DYNC1I1: variants seen among roughly 807,000 people sequenced by gnomAD.
The protein encoded by DYNC1I1 is dynein cytoplasmic 1 intermediate chain 1, also known as cytoplasmic dynein 1 intermediate chain 1.
A neutral mutation model predicts 86.6 loss-of-function variants in DYNC1I1; 43 were observed. The observed-to-expected ratio is 0.50, with a 90% CI of 0.39 to 0.64. The LOEUF (loss-of-function observed/expected upper bound fraction) is 0.64, where lower values mean the gene tolerates loss of function less well. DYNC1I1 is among the 30% of genes least tolerant of loss of function. The probability of loss-of-function intolerance (pLI) is 0.00; values close to 1 mark genes in which losing one functional copy is unlikely to be tolerated. For missense variants in DYNC1I1, 604 were observed against 788.8 expected (o/e 0.77, Z 2.81); for synonymous variants, 262 against 283.7 (o/e 0.92, Z 0.77).
rs189890285 is a variant in DYNC1I1 at position 95,974,156 on chromosome 7, C to T, written c.491-3356C>T. Among the ~76,000 whole-genome samples the T allele has an allele frequency of 2.8e-4, 42 of 152,308 alleles. 2 individuals carry two copies. In the East Asian group the frequency reaches 7.7e-3, roughly 28 times the overall value. On this transcript the variant is annotated intron_variant, in intron 6 of 16. Transcript: ENST00000447467. The stretch of plus-strand genomic sequence containing the variant: ...CCCACTCTTGACCAGAATGCCTAAT[C>T]TCTCTTTCCTATTTTGTATTTTCCC...
intron 6 of DYNC1I1, among the ~76,000 whole-genome samples, chr7:95,951,428 G>C (rs1299179694): frequency 6.6e-6 from 1 of 152,016 alleles, no homozygotes; most frequent in East Asian, 1.9e-4. Context: ...ACTAATTTGG[G>C]GTAGTTTTCT....
At chr7:95,820,066 T>C (rs1334965476) in intron 4 of DYNC1I1, among the ~76,000 whole-genome samples, 1 of 152,230 alleles carries the variant, frequency 6.6e-6, no homozygotes. Context: ...TGTGGCTTAG[T>C]GTGGCTCGCT....
At chr7:95,968,241 A>G (rs1304142989) in intron 6 of DYNC1I1, among the ~76,000 whole-genome samples, 2 of 152,122 alleles carry the variant, frequency 1.3e-5, no homozygotes, top group African/African-American at 4.8e-5. Flanking sequence ...GTGCAAAAGA[A>G]GGGTATACAA....
intron 5 of DYNC1I1, among the ~76,000 whole-genome samples, chr7:95,838,222 G>A (rs1789172219): frequency 2.0e-5 from 3 of 152,072 alleles, no homozygotes; most frequent in African/African-American, 7.2e-5. Flanking sequence ...ACATGTATGT[G>A]TGTGATATAA....
chr7:95,831,909 A>G (rs2115947364), intron 5 of DYNC1I1, among the ~76,000 whole-genome samples: 1 of 152,236 alleles, frequency 6.6e-6, no homozygotes, highest in East Asian at 1.9e-4. Context: ...TATCAGTAAT[A>G]TGGATTAAAA....
chr7:95,950,891 C>A (rs980142786), intron 6 of DYNC1I1, among the ~76,000 whole-genome samples: 3 of 152,188 alleles, frequency 2.0e-5, no homozygotes, highest in Admixed American at 1.3e-4. Flanking sequence ...ATCACCTCTA[C>A]ATTAGGGTAT....
intron 6 of DYNC1I1, among the ~76,000 whole-genome samples, chr7:95,970,867 G>A (rs1251150719): frequency 6.6e-6 from 1 of 152,190 alleles, no homozygotes; most frequent in Non-Finnish European, 1.5e-5. Flanking sequence ...AATAATGGAG[G>A]GGATTCACAA....
intron 1 of DYNC1I1, chr7:95,804,266 T>C (rs899584866): frequency 1.1e-5 from 8 of 741,474 alleles, no homozygotes; most frequent in Non-Finnish European, 1.4e-5. Context: ...ATTGAGTCCA[T>C]AGAAATTTGA....
chr7:96,107,924 C>T (rs373320665), intron 16 of DYNC1I1, among the ~76,000 whole-genome samples: 33 of 148,102 alleles, frequency 2.2e-4, no homozygotes, highest in South Asian at 4.3e-4. Context: ...CATTGCCTTC[C>T]GGCCTCAATG....
intron 11 of DYNC1I1, among the ~76,000 whole-genome samples, chr7:96,029,264 T>C (rs1204197663): frequency 1.3e-5 from 2 of 152,168 alleles, no homozygotes; most frequent in Admixed American, 1.3e-4. Context: ...CAAAGACACT[T>C]GCAGGTGAAA....
intron 6 of DYNC1I1, among the ~76,000 whole-genome samples, chr7:95,948,831 AT>A (rs1435468979): frequency 6.6e-6 from 1 of 152,140 alleles, no homozygotes; most frequent in Non-Finnish European, 1.5e-5. Context: ...CTGAGGGGAA[AT>A]TTTGTGAGAA....
At chr7:95,909,181 G>A (rs1409662537) in intron 6 of DYNC1I1, among the ~76,000 whole-genome samples, 6 of 115,358 alleles carry the variant, frequency 5.2e-5, no homozygotes, top group African/African-American at 2.0e-4. Context: ...TAATGAGACA[G>A]CAGAAAAAAA....
At chr7:95,821,730 G>A (rs71562901) in intron 4 of DYNC1I1, among the ~76,000 whole-genome samples, 14,144 of 151,896 alleles carry the variant, frequency 0.093, 703 homozygotes, top group South Asian at 0.14. Flanking sequence ...TATTTTCATA[G>A]GCTGAGGTCC....
At chr7:96,020,380 A>C (rs73230270) in intron 10 of DYNC1I1, among the ~76,000 whole-genome samples, 6,172 of 152,194 alleles carry the variant, frequency 0.041, 171 homozygotes, top group Middle Eastern at 0.095. Context: ...AAATAAAAAT[A>C]AAAAATAAAA....
At chr7:95,924,909 C>T (rs1459016663) in intron 6 of DYNC1I1, among the ~76,000 whole-genome samples, 5 of 152,048 alleles carry the variant, frequency 3.3e-5, no homozygotes, top group African/African-American at 1.2e-4. Flanking sequence ...TATTAGGTGG[C>T]CTTAGCCAAA....
At chr7:95,931,728 G>T (rs1355581302) in intron 6 of DYNC1I1, among the ~76,000 whole-genome samples, 1 of 152,106 alleles carries the variant, frequency 6.6e-6, no homozygotes, top group Admixed American at 6.5e-5. Flanking sequence ...CTGTGTAGCC[G>T]CAATACAGAC....
intron 3 of DYNC1I1, 154 bp from the exon 4 acceptor site, chr7:95,813,091 TCC>T: frequency 7.5e-7 from 1 of 1,338,410 alleles, no homozygotes; most frequent in Non-Finnish European, 9.9e-7. Flanking sequence ...TCCTTTTCTT[TCC>T]TTTTTTTTTT....
intron 6 of DYNC1I1, among the ~76,000 whole-genome samples, chr7:95,969,669 A>C (rs1036363060): frequency 2.0e-5 from 3 of 152,174 alleles, no homozygotes; most frequent in Non-Finnish European, 4.4e-5. Context: ...ACAGCTGCTT[A>C]AACAGTACTA....
intron 5 of DYNC1I1, among the ~76,000 whole-genome samples, chr7:95,869,143 T>C (rs1413655077): frequency 6.6e-6 from 1 of 152,208 alleles, no homozygotes; most frequent in Non-Finnish European, 1.5e-5. Context: ...TTATAACATC[T>C]ATCCACATAC....
Sources: gnomAD v4.1 joint callset for allele counts (sites outside exome capture counted in the v4.1 genomes callset) on GRCh38, gnomAD v4.1.1 for gene constraint, MANE v1.5 for transcripts, NCBI Gene and HGNC (gene_info 2026-07-23, HGNC 2026-07-21) for gene names.